The following COL6A5 variants were observed in gnomAD, a reference collection of about 807,000 sequenced individuals.
COL6A5 encodes collagen type VI alpha 5 chain.
Under a neutral mutation model 65.6 loss-of-function variants are expected in COL6A5, and 48 were observed. The observed-to-expected ratio is 0.73, with a 90% CI of 0.58 to 0.93. The LOEUF is 0.93. Ranked by LOEUF, COL6A5 falls within the 40% of genes least tolerant of loss-of-function variation. The pLI is 0.00. For synonymous variants in COL6A5, 291 were observed against 322.8 expected, an observed-to-expected ratio of 0.90 and a Z score of 1.05; for missense variants, 914 against 928.3, an observed-to-expected ratio of 0.98 and a Z score of 0.20.
At chr3:130,402,994 G>A (rs1936865363) in intron 12 of COL6A5, among the ~76,000 whole-genome samples, 1 of 151,974 alleles carries the variant, frequency 6.6e-6, no homozygotes, top group East Asian at 1.9e-4. Context: ...ATTTTCTCTC[G>A]ATACTTTGCT....
intron 4 of COL6A5, among the ~76,000 whole-genome samples, chr3:130,381,994 T>G (rs1370332226): frequency 1.3e-5 from 2 of 152,006 alleles, no homozygotes; most frequent in South Asian, 4.1e-4. Flanking sequence ...CTGACTTAAG[T>G]TGGGCTCCTC....
At chr3:130,352,013 T>G (rs1014650716) in intron 1 of COL6A5, among the ~76,000 whole-genome samples, 1 of 152,118 alleles carries the variant, frequency 6.6e-6, no homozygotes, top group Admixed American at 6.6e-5. Context: ...TGCAGGGACA[T>G]GGATCAAGCT....
chr3:130,402,704 C>G (rs1011829317), intron 12 of COL6A5, among the ~76,000 whole-genome samples: 1 of 152,088 alleles, frequency 6.6e-6, no homozygotes, highest in South Asian at 2.1e-4. Flanking sequence ...ACCAATAATG[C>G]TCTATTTCTT....
chr3:130,381,192 G>A (rs960004567), intron 4 of COL6A5, among the ~76,000 whole-genome samples: 3 of 152,212 alleles, frequency 2.0e-5, no homozygotes, highest in Middle Eastern at 3.4e-3. Context: ...GAAGCCAAGC[G>A]CCTAGGTTAA....
At chr3:130,484,149 T>C (rs907822890) in exon 8 of COL6A5, 3 of 1,189,326 alleles carry the variant, frequency 2.5e-6, no homozygotes, top group African/African-American at 3.1e-5. Context: ...CTGTGGTAAA[T>C]GACAGGGACT....
At chr3:130,475,007 C>CAAAAAAAAAAAAAAAAA (rs57263258) in intron 7 of COL6A5, among the ~76,000 whole-genome samples, 1 of 65,052 alleles carries the variant, frequency 1.5e-5, no homozygotes, top group African/African-American at 7.2e-5. Context: ...ACCATGTCTC[C>CAAAAAAAAAAAAAAAAA]AAAAAAAAAA....
chr3:130,348,052 A>G lies in COL6A5; in HGVS notation c.-29+2071A>G, dbSNP rs1297887161. Among the ~76,000 whole-genome samples the G allele has an allele frequency of 2.0e-5, 3 of 152,188 alleles. No individual in the cohort carries two copies. In the East Asian group the frequency reaches 5.8e-4, roughly 29 times the overall value. ...TCCTCTGGCCTATTCCCTAACATGC[A>G]CACAACTCACTACCCACAACCATTG... On this transcript the variant is annotated intron_variant and NMD_transcript_variant, in intron 1 of 41. Coordinates refer to the COL6A5 transcript ENST00000312481.
exon 8 of COL6A5, chr3:130,484,089 T>C (rs1264910953): frequency 6.3e-7 from 1 of 1,593,722 alleles, no homozygotes; most frequent in East Asian, 2.2e-5. Context: ...CACTGACATG[T>C]ATAATCCCAT....
exon 21 of COL6A5, chr3:130,413,578 T>TCCC: frequency 6.5e-7 from 1 of 1,548,900 alleles, no homozygotes; most frequent in Non-Finnish European, 8.7e-7. Context: ...CCGAGGTGTC[T>TCCC]CAGTAAGTAA....
intron 1 of COL6A5, among the ~76,000 whole-genome samples, chr3:130,438,289 C>A (rs540163444): frequency 6.6e-6 from 1 of 152,300 alleles, no homozygotes; most frequent in African/African-American, 2.4e-5. Flanking sequence ...GTCACCACGC[C>A]AGGCCAAGAT....
intron 1 of COL6A5, among the ~76,000 whole-genome samples, chr3:130,350,347 T>A (rs910192105): frequency 1.3e-5 from 2 of 152,114 alleles, no homozygotes; most frequent in African/African-American, 4.8e-5. Flanking sequence ...AGGTATTCAA[T>A]TAGGAAAAGA....
At chr3:130,358,108 G>C (rs992766618) in intron 1 of COL6A5, among the ~76,000 whole-genome samples, 1 of 152,070 alleles carries the variant, frequency 6.6e-6, no homozygotes, top group Admixed American at 6.6e-5. Flanking sequence ...AGAATGGCGT[G>C]AACCTGGGAG....
intron 24 of COL6A5, among the ~76,000 whole-genome samples, chr3:130,417,838 G>T (rs1348256530): frequency 6.6e-6 from 1 of 152,044 alleles, no homozygotes; most frequent in Non-Finnish European, 1.5e-5. Flanking sequence ...TAAGCAAGGG[G>T]CCTGAGTTTT....
chr3:130,376,278 A>C (rs1238747967), exon 3 of COL6A5: 1 of 1,611,698 alleles, frequency 6.2e-7, no homozygotes, highest in East Asian at 2.2e-5. Flanking sequence ...TCTGGTGGAC[A>C]GCTCCGATCA....
chr3:130,384,872 C>G (rs1217882044), exon 5 of COL6A5: 1 of 1,550,740 alleles, frequency 6.4e-7, no homozygotes, highest in South Asian at 1.2e-5. Flanking sequence ...CCAGGAGAAA[C>G]AGTTTGAGCA....
At position 130,398,116 on chromosome 3, in the gene COL6A5, T is replaced by C. The variant is rs1049610150; in HGVS notation, c.3991+5T>C. The C allele has an allele frequency of 1.5e-5, 23 of 1,511,676 alleles. No homozygotes were observed. Among genetic ancestry groups the C allele is most frequent in the Non-Finnish European group, 1.9e-5 (21 of 1,124,410 alleles). The allele number at this position is 1,511,676 out of a possible 1,614,324, so 93.6% of individuals were successfully genotyped here. A position where few individuals can be genotyped will look rare whatever the true frequency, so the allele number is the denominator to read the frequency against. On this transcript the variant is annotated splice_donor_5th_base_variant and intron_variant and NMD_transcript_variant, in intron 10 of 41. Coordinates refer to the COL6A5 transcript ENST00000312481. ...CAGACAGGCTCAGAGAAGCAGGTAT[T>C]GAGTTGTTGTTGTTTTTTTTTTTTT...
rs369838698 is a variant in COL6A5, at chr3:130,378,061, C to G, written c.667+1225C>G. ...TAATTCTTGGCAAGGTTGAGCTTAT[C>G]TCTTGGCTATGCTTTCCACAGCTGC... On this transcript the variant is annotated intron_variant and NMD_transcript_variant, in intron 3 of 41. Coordinates refer to the COL6A5 transcript ENST00000312481. Among the ~76,000 whole-genome samples, 5 of 152,226 alleles carry G rather than the reference C, an allele frequency of 3.3e-5. 1 individual carries two copies. The East Asian group carries it at 5.8e-4, about 18-fold the overall frequency.
At chr3:130,356,135 T>C (rs1244279884) in intron 1 of COL6A5, among the ~76,000 whole-genome samples, 2 of 152,098 alleles carry the variant, frequency 1.3e-5, no homozygotes, top group African/African-American at 2.4e-5. Flanking sequence ...GATACAACAG[T>C]GGGCCAAAGC....
At chr3:130,392,270 C>G (rs534936388) in intron 7 of COL6A5, among the ~76,000 whole-genome samples, 1 of 152,244 alleles carries the variant, frequency 6.6e-6, no homozygotes, top group South Asian at 2.1e-4. Context: ...TCTGGGTAAG[C>G]GCCACCTGTG....
Sources: gnomAD v4.1 joint callset for allele counts (sites outside exome capture counted in the v4.1 genomes callset) on GRCh38, gnomAD v4.1.1 for gene constraint, MANE v1.5 for transcripts, NCBI Gene and HGNC (gene_info 2026-07-23, HGNC 2026-07-21) for gene names.